The following ARHGAP39 variants were observed in gnomAD, a reference collection of about 807,000 sequenced individuals.
ARHGAP39 encodes the protein Rho GTPase activating protein 39.
ARHGAP39 carries 44 observed loss-of-function variants against 106.9 expected under a neutral mutation model. That is an observed-to-expected ratio of 0.41 (90% CI 0.32 to 0.53). The LOEUF is 0.53. Among genes scored for constraint, ARHGAP39 ranks in the 20% least tolerant of loss-of-function variants. ARHGAP39 has a pLI of 0.21. For missense variants in ARHGAP39, 1,496 were observed against 1,577.3 expected, an observed-to-expected ratio of 0.95 and a Z score of 0.87; for synonymous variants, 768 against 693.2, an observed-to-expected ratio of 1.11 and a Z score of -1.69.
chr8:144,560,305 C>A (rs995596380), intron 3 of ARHGAP39, among the ~76,000 whole-genome samples: 1 of 152,080 alleles, frequency 6.6e-6, no homozygotes, highest in Non-Finnish European at 1.5e-5. Flanking sequence ...TGTGGTGGCG[C>A]GTGCCTATAA....
intron 5 of ARHGAP39, among the ~76,000 whole-genome samples, chr8:144,546,832 C>G (rs956418455): frequency 1.3e-5 from 2 of 152,332 alleles, no homozygotes; most frequent in African/African-American, 2.4e-5. Context: ...GAGGCCTTCT[C>G]TGTTCTGTGT....
chr8:144,664,453 C>T (rs535182143), intron 1 of ARHGAP39, among the ~76,000 whole-genome samples: 1 of 152,348 alleles, frequency 6.6e-6, no homozygotes, highest in East Asian at 1.9e-4. Context: ...CACTTCCTGC[C>T]TCAGCACCTG....
At chr8:144,603,323 A>G (rs1479296177) in intron 2 of ARHGAP39, among the ~76,000 whole-genome samples, 3 of 150,708 alleles carry the variant, frequency 2.0e-5, no homozygotes, top group East Asian at 3.9e-4. Context: ...GTGTGCATGT[A>G]CCTGCATGTG....
chr8:144,552,676 T>A (rs539995460), intron 4 of ARHGAP39, among the ~76,000 whole-genome samples: 1 of 148,004 alleles, frequency 6.8e-6, no homozygotes, highest in East Asian at 1.9e-4. Flanking sequence ...GCTGGTGAGA[T>A]TTTTTTTTCT....
the ARHGAP39 span, chr8:144,700,246 C>G: frequency 1.3e-5 from 2 of 152,272 alleles, no homozygotes; most frequent in East Asian, 1.9e-4. The surrounding 1 kb of genome is among the most constrained non-coding windows in gnomAD (Gnocchi z 5.6). Context: ...CTACCTTAGC[C>G]GCTCCTTCTC....
At chr8:144,593,056 A>G (rs1025409532) in intron 2 of ARHGAP39, among the ~76,000 whole-genome samples, 1 of 152,234 alleles carries the variant, frequency 6.6e-6, no homozygotes, top group Non-Finnish European at 1.5e-5. Context: ...CAAAGGTGGA[A>G]GGATGCAAGA....
intron 3 of ARHGAP39, among the ~76,000 whole-genome samples, chr8:144,574,853 G>T (rs1818715825): frequency 6.6e-6 from 1 of 152,164 alleles, no homozygotes; most frequent in African/African-American, 2.4e-5. Context: ...AGATTTTACA[G>T]TCAGGCATCA....
chr8:144,649,358 G>A (rs1369769873), intron 1 of ARHGAP39, among the ~76,000 whole-genome samples: 2 of 152,130 alleles, frequency 1.3e-5, no homozygotes, highest in Non-Finnish European at 2.9e-5. Context: ...GCTGAGGCAG[G>A]AGAATGGCGT....
At chr8:144,549,744 C>T (rs933247483) in intron 4 of ARHGAP39, among the ~76,000 whole-genome samples, 11 of 152,162 alleles carry the variant, frequency 7.2e-5, no homozygotes, top group African/African-American at 2.4e-4. Flanking sequence ...CCGCCTGCCT[C>T]GGCCTCCCAA....
chr8:144,567,821 C>T lies in ARHGAP39; in HGVS notation c.513-12178G>A, dbSNP rs546404199. Among the ~76,000 whole-genome samples, 23 of 152,336 alleles carry T rather than the reference C, an allele frequency of 1.5e-4. No homozygotes were observed. In the East Asian group the frequency reaches 4.1e-3, roughly 27 times the overall value. ...CCCTGGCCAGTGGACATGTGACCCA[C>T]GTGGCTTTACCTATCATTGGAGATG... On this transcript the variant is annotated intron_variant, in intron 3 of 11. Coordinates refer to ENST00000377307, the MANE Select transcript of ARHGAP39 (RefSeq NM_025251.3).
At chr8:144,572,097 G>T (rs1018699028) in intron 3 of ARHGAP39, among the ~76,000 whole-genome samples, 3 of 152,178 alleles carry the variant, frequency 2.0e-5, no homozygotes, top group African/African-American at 7.2e-5. Flanking sequence ...AGCTACCAAT[G>T]ACTTTCTTCA....
rs1484960761 is a variant in ARHGAP39, at chr8:144,604,815, A to C, written c.80+720T>G. ...GGCTACCTGGAAGACGTCCTGAGGG[A>C]GCTCACGCTCTCACACCGCCACCCC... On this transcript the variant is annotated intron_variant, in intron 2 of 11. Transcript: ENST00000377307. This position sits in a 1 kb window ranked among gnomAD's most constrained non-coding sequence, Gnocchi z 4.1. 6.6e-6 allele frequency among the ~76,000 whole-genome samples: 1 copy of C among 152,138 alleles called. No individual in the cohort carries two copies. Among genetic ancestry groups the C allele is most frequent in the East Asian group, 1.9e-4 (1 of 5,188 alleles).
intron 3 of ARHGAP39, among the ~76,000 whole-genome samples, chr8:144,564,308 C>T (rs1047881876): frequency 6.6e-6 from 1 of 152,220 alleles, no homozygotes; most frequent in Non-Finnish European, 1.5e-5. Flanking sequence ...CCCCCGTTGT[C>T]CCCTGAGCAC....
chr8:144,612,940 T>G (rs985569684), intron 1 of ARHGAP39, among the ~76,000 whole-genome samples: 4 of 152,282 alleles, frequency 2.6e-5, no homozygotes, highest in African/African-American at 4.8e-5. Context: ...ACCTGTTCTA[T>G]CTGTTCTCTT....
At chr8:144,642,661 A>T (rs1453011445) in intron 1 of ARHGAP39, among the ~76,000 whole-genome samples, 2 of 152,134 alleles carry the variant, frequency 1.3e-5, no homozygotes, top group African/African-American at 2.4e-5. Flanking sequence ...AGCTGTTCTC[A>T]TGACTGTGAA....
chr8:144,561,329 T>G lies in ARHGAP39; in HGVS notation c.513-5686A>C, dbSNP rs770495015. 3.5e-4 allele frequency among the ~76,000 whole-genome samples: 53 copies of G among 151,694 alleles called. 1 individual carries two copies. Among genetic ancestry groups the G allele is most frequent in the Middle Eastern group, 3.4e-3 (1 of 290 alleles). ...TCCAGTGGTTTCCATCAGACCCCAG[T>G]GCTTTCCATCACATCCCAGTGGTTT... On this transcript the variant is annotated intron_variant, in intron 3 of 11. Coordinates refer to ENST00000377307, the MANE Select transcript of ARHGAP39 (RefSeq NM_025251.3).
Position 144,583,086 on chromosome 8 carries a change from C to T in ARHGAP39, c.81-1809G>A, listed in dbSNP as rs537817955. Among the ~76,000 whole-genome samples the T allele has an allele frequency of 1.4e-4, 22 of 152,274 alleles. No homozygotes were observed. In the East Asian group the frequency reaches 3.1e-3, roughly 21 times the overall value. On this transcript the variant is annotated intron_variant, in intron 2 of 11. Coordinates refer to ENST00000377307, the MANE Select transcript of ARHGAP39 (RefSeq NM_025251.3). Reference sequence around the variant, plus strand: ...AACCACACGCAACAGGGGCCACCCCCGCTCTGGTCCGTGCTTTCCCTTCTC... The same window carrying T: ...AACCACACGCAACAGGGGCCACCCCTGCTCTGGTCCGTGCTTTCCCTTCTC...
chr8:144,627,982 C>T (rs1023111718), intron 1 of ARHGAP39, among the ~76,000 whole-genome samples: 3 of 152,192 alleles, frequency 2.0e-5, no homozygotes, highest in African/African-American at 7.2e-5. Flanking sequence ...GGCCCAGCTG[C>T]ATGCAGACCA....
At chr8:144,605,216 G>A (rs1338854256) in intron 2 of ARHGAP39, among the ~76,000 whole-genome samples, 1 of 152,206 alleles carries the variant, frequency 6.6e-6, no homozygotes, top group Admixed American at 6.5e-5. Context: ...AGCTATGATG[G>A]AGCCACTGCA....
Sources: allele counts gnomAD v4.1 joint callset (sites outside exome capture counted in the v4.1 genomes callset), GRCh38; gene constraint gnomAD v4.1.1; non-coding constraint Gnocchi (gnomAD v3.1); transcripts MANE v1.5; gene names NCBI Gene and HGNC (gene_info 2026-07-23, HGNC 2026-07-21).